Variants in STYXL1 observed in about 807,000 individuals in gnomAD.
The protein encoded by STYXL1 is serine/threonine/tyrosine-interacting-like protein 1.
Under a neutral mutation model 36.4 loss-of-function variants are expected in STYXL1, and 32 were observed. The ratio of observed to expected loss-of-function variants is 0.88; its 90% CI spans 0.66 to 1.18. The LOEUF (loss-of-function observed/expected upper bound fraction) is 1.18. STYXL1 is among the 50% of genes most tolerant of loss of function. STYXL1 has a pLI of 0.00. For synonymous variants in STYXL1, 133 were observed against 144.1 expected (o/e 0.92, Z 0.55); for missense variants, 354 against 394.1 (o/e 0.90, Z 0.86).
chr7:76,040,192 G>A (rs973721465), intron 1 of STYXL1, among the ~76,000 whole-genome samples: 6 of 152,156 alleles, frequency 3.9e-5, no homozygotes, highest in South Asian at 2.1e-4. Flanking sequence ...CTCCAAAGAC[G>A]GTGACCACCA....
intron 1 of STYXL1, among the ~76,000 whole-genome samples, chr7:76,035,297 C>A (rs1795811206): frequency 6.6e-6 from 1 of 152,108 alleles, no homozygotes; most frequent in South Asian, 2.1e-4. Context: ...ACATAATAGT[C>A]CGGGAAATCT....
chr7:75,999,116 T>C, intron 8 of STYXL1: 1 of 156,730 alleles, frequency 6.4e-6, no homozygotes, highest in Non-Finnish European at 1.4e-5. Flanking sequence ...CCAGCCTGGG[T>C]GACAGAGCGA....
At chr7:76,008,325 C>T (rs534708465) in intron 5 of STYXL1, among the ~76,000 whole-genome samples, 1 of 150,938 alleles carries the variant, frequency 6.6e-6, no homozygotes, top group East Asian at 2.0e-4. Context: ...TCCATTATTA[C>T]ACCACAGAAA....
chr7:76,002,204 T>A (rs1791037169), intron 7 of STYXL1, among the ~76,000 whole-genome samples: 1 of 152,154 alleles, frequency 6.6e-6, no homozygotes, highest in African/African-American at 2.4e-5. Flanking sequence ...GGGATCACAG[T>A]ATACTACCTA....
chr7:76,015,536 A>G (rs1554573544), intron 4 of STYXL1, among the ~76,000 whole-genome samples: 2 of 152,224 alleles, frequency 1.3e-5, no homozygotes, highest in African/African-American at 4.8e-5. Context: ...TAAGGACACG[A>G]AAGTGCTTCT....
chr7:76,030,849 C>CT (rs1351517771), intron 1 of STYXL1, among the ~76,000 whole-genome samples: 2 of 59,676 alleles, frequency 3.4e-5, no homozygotes, highest in Non-Finnish European at 5.8e-5. Context: ...CCCATCTCTA[C>CT]TAAAAAAAAA....
intron 5 of STYXL1, among the ~76,000 whole-genome samples, chr7:76,010,528 G>A (rs782308854): frequency 1.4e-4 from 22 of 152,256 alleles, no homozygotes; most frequent in Non-Finnish European, 2.2e-4. Flanking sequence ...CACTGGCTGC[G>A]TTCTCTGGGA....
intron 1 of STYXL1, among the ~76,000 whole-genome samples, chr7:76,035,455 T>A (rs1795822492): frequency 6.7e-6 from 1 of 149,996 alleles, no homozygotes; most frequent in Non-Finnish European, 1.5e-5. Context: ...CAGATTTACA[T>A]GCTGCAAAGT....
chr7:76,006,667 G>C (rs1195405461), intron 5 of STYXL1, among the ~76,000 whole-genome samples: 4 of 151,888 alleles, frequency 2.6e-5, no homozygotes, highest in Admixed American at 2.6e-4. Context: ...GGGAGGCTGA[G>C]GCAGGAGAAT....
At chr7:76,021,085 T>TC (rs1794004553) in intron 4 of STYXL1, among the ~76,000 whole-genome samples, 1 of 151,768 alleles carries the variant, frequency 6.6e-6, no homozygotes, top group African/African-American at 2.4e-5. Flanking sequence ...CAAGAATTTT[T>TC]TTTTTTTTTT....
intron 8 of STYXL1, among the ~76,000 whole-genome samples, chr7:76,000,136 G>A (rs1296996951): frequency 1.3e-5 from 2 of 149,384 alleles, no homozygotes; most frequent in East Asian, 2.0e-4. Flanking sequence ...GGGTGCAGTG[G>A]AGGTTCAAGA....
intron 7 of STYXL1, among the ~76,000 whole-genome samples, chr7:76,001,360 C>G (rs1790896194): frequency 6.6e-6 from 1 of 152,230 alleles, no homozygotes; most frequent in African/African-American, 2.4e-5. Context: ...GCTGACAGAG[C>G]CAGTGTAGCC....
intron 1 of STYXL1, chr7:76,045,478 C>T (rs925555084): frequency 1.1e-4 from 17 of 152,230 alleles, no homozygotes; most frequent in African/African-American, 3.9e-4. Context: ...GGGCAGATCA[C>T]TTGAGGTTAG....
chr7:76,019,547 T>C (rs1421532623), intron 4 of STYXL1, among the ~76,000 whole-genome samples: 1 of 151,704 alleles, frequency 6.6e-6, no homozygotes, highest in Non-Finnish European at 1.5e-5. Context: ...CAAGCAACCC[T>C]CCTGCCTCAG....
intron 5 of STYXL1, among the ~76,000 whole-genome samples, chr7:76,006,721 GC>G (rs537745173): frequency 0.01 from 1,562 of 149,784 alleles, 32 homozygotes; most frequent in African/African-American, 0.037. Flanking sequence ...CTGAGATTGT[GC>G]CACTGCACTC....
At chr7:76,016,395 GTATA>G (rs1397596231) in intron 4 of STYXL1, among the ~76,000 whole-genome samples, 1 of 147,436 alleles carries the variant, frequency 6.8e-6, no homozygotes, top group Non-Finnish European at 1.5e-5. Flanking sequence ...ACGTATGTGT[GTATA>G]TATACGTATA....
At chr7:76,017,477 A>C (rs1405225123) in intron 4 of STYXL1, among the ~76,000 whole-genome samples, 1 of 152,118 alleles carries the variant, frequency 6.6e-6, no homozygotes, top group Non-Finnish European at 1.5e-5. Flanking sequence ...CAGATACCAC[A>C]TGTTCTCATT....
intron 3 of STYXL1, among the ~76,000 whole-genome samples, chr7:76,026,510 G>A (rs896993859): frequency 6.6e-6 from 1 of 152,056 alleles, no homozygotes; most frequent in African/African-American, 2.4e-5. Context: ...TTGAACTCCT[G>A]GACTCAAGCA....
chr7:76,016,146 A>C (rs1427805575), intron 4 of STYXL1, among the ~76,000 whole-genome samples: 3 of 152,068 alleles, frequency 2.0e-5, no homozygotes, highest in Non-Finnish European at 4.4e-5. Flanking sequence ...ACATATGTAC[A>C]TGTATAGATA....
Sources: gnomAD v4.1 joint callset for allele counts (sites outside exome capture counted in the v4.1 genomes callset) on GRCh38, gnomAD v4.1.1 for gene constraint, MANE v1.5 for transcripts, NCBI Gene and HGNC (gene_info 2026-07-23, HGNC 2026-07-21) for gene names.